The following MBNL1 variants were observed in gnomAD, a reference collection of about 807,000 sequenced individuals.
MBNL1 encodes muscleblind-like protein 1.
A neutral mutation model predicts 42.2 loss-of-function variants in MBNL1; 8 were observed. The ratio of observed to expected loss-of-function variants is 0.19; its 90% CI spans 0.11 to 0.34. The LOEUF (loss-of-function observed/expected upper bound fraction) is 0.34. Among genes scored for constraint, MBNL1 ranks in the 10% least tolerant of loss-of-function variants. The pLI is 1.00. For missense variants in MBNL1, 309 were observed against 495.3 expected (o/e 0.62, Z 3.57); for synonymous variants, 169 against 173.9 (o/e 0.97, Z 0.22).
intron 2 of MBNL1, among the ~76,000 whole-genome samples, chr3:152,304,433 A>G (rs1355356781): frequency 1.3e-5 from 2 of 152,220 alleles, no homozygotes; most frequent in East Asian, 3.8e-4. Flanking sequence ...CAAGTTTTAG[A>G]CTAAATATGC....
chr3:152,399,515 A>T (rs11926636), intron 2 of MBNL1, among the ~76,000 whole-genome samples: 51,477 of 151,426 alleles, frequency 0.34, 9,003 homozygotes, highest in Middle Eastern at 0.41. Flanking sequence ...TATTTAATTA[A>T]TTATTTTTTT....
At chr3:152,336,050 AC>A (rs2089857830) in intron 2 of MBNL1, among the ~76,000 whole-genome samples, 1 of 152,208 alleles carries the variant, frequency 6.6e-6, no homozygotes, top group Non-Finnish European at 1.5e-5. Context: ...TGGAAATATA[AC>A]TGTGAGCACA....
chr3:152,406,427 CT>C (rs1447869744), intron 2 of MBNL1, among the ~76,000 whole-genome samples: 1 of 152,144 alleles, frequency 6.6e-6, no homozygotes, highest in Non-Finnish European at 1.5e-5. Context: ...GTATGTGTAT[CT>C]GATTTCTCAC....
At chr3:152,268,675 T>C (rs1218968020), upstream of MBNL1, 2 of 437,362 alleles carry the variant, frequency 4.6e-6, no homozygotes, top group Non-Finnish European at 9.2e-6. Flanking sequence ...CCTCCTGCTC[T>C]CGGCGCCGCT....
intron 6 of MBNL1, among the ~76,000 whole-genome samples, chr3:152,453,151 T>C (rs1727013135): frequency 6.6e-6 from 1 of 152,096 alleles, no homozygotes; most frequent in Non-Finnish European, 1.5e-5. Context: ...TATACACTAT[T>C]TTTAGAAAAT....
At chr3:152,336,098 C>A (rs1194149766) in intron 2 of MBNL1, among the ~76,000 whole-genome samples, 1 of 152,144 alleles carries the variant, frequency 6.6e-6, no homozygotes, top group Non-Finnish European at 1.5e-5. Flanking sequence ...TGCTTAACAA[C>A]AGTTATGAAA....
chr3:152,329,311 A>G (rs1411991758), intron 2 of MBNL1, among the ~76,000 whole-genome samples: 3 of 152,158 alleles, frequency 2.0e-5, no homozygotes, highest in African/African-American at 7.2e-5. Context: ...AAAAAGACTT[A>G]TATTTACTCC....
At chr3:152,349,679 A>G (rs550548047) in intron 2 of MBNL1, among the ~76,000 whole-genome samples, 2 of 152,224 alleles carry the variant, frequency 1.3e-5, no homozygotes, top group African/African-American at 4.8e-5. Context: ...ATAAAATTAC[A>G]TAGCCCACTC....
At chr3:152,386,220 C>T (rs576226541) in intron 2 of MBNL1, among the ~76,000 whole-genome samples, 1 of 151,714 alleles carries the variant, frequency 6.6e-6, no homozygotes, top group Non-Finnish European at 1.5e-5. Flanking sequence ...TGAAAAAATT[C>T]AAGAAAATAG....
At chr3:152,436,917 G>C (rs567272510) in intron 4 of MBNL1, among the ~76,000 whole-genome samples, 1 of 152,196 alleles carries the variant, frequency 6.6e-6, no homozygotes, top group African/African-American at 2.4e-5. Flanking sequence ...TCTTATTCTT[G>C]TTAACAGGAT....
Position 152,463,278 on chromosome 3 carries a change from TA to T in MBNL1, c.*916del, listed in dbSNP as rs1203979804. The T allele has an allele frequency of 6.6e-6, 1 of 151,538 alleles. No homozygotes were observed. Among genetic ancestry groups the T allele is most frequent in the Non-Finnish European group, 1.5e-5 (1 of 67,794 alleles). The allele number at this position is 151,538 out of a possible 1,614,324, so 9.4% of individuals were successfully genotyped here. On this transcript the variant is annotated 3_prime_UTR_variant, in exon 10 of 10. Transcript: ENST00000324210. ...GAGATATATATATAATAGATATATATAAAATTATTTTAATGCATTGTAGTGT... is the reference window on the plus strand; with the variant it reads ...GAGATATATATATAATAGATATATATAAATTATTTTAATGCATTGTAGTGT...
In MBNL1 at chr3:152,463,409, G is replaced by A. The variant is rs1434456619; in HGVS notation, c.*1043G>A. 1 of 152,310 alleles carries A rather than the reference G, an allele frequency of 6.6e-6. No individual in the cohort carries two copies. The highest frequency in any genetic ancestry group is 1.5e-5 in the Non-Finnish European group (1 of 67,906). 9.4% of individuals were successfully genotyped at this position (152,310 alleles called of 1,614,324 possible). On this transcript the variant is annotated 3_prime_UTR_variant, in exon 10 of 10. Transcript: ENST00000324210. The stretch of plus-strand genomic sequence containing the variant: ...GGAAATTATTTTGCTTCTATTTATA[G>A]CCTCTGTCAAAAGTCAAAAGACTAT...
At chr3:152,460,249 T>C (rs1742792852) in intron 9 of MBNL1, among the ~76,000 whole-genome samples, 1 of 146,488 alleles carries the variant, frequency 6.8e-6, no homozygotes, top group Admixed American at 6.8e-5. Context: ...GCAAGACCTG[T>C]CTCAAAAAAA....
intron 1 of MBNL1, among the ~76,000 whole-genome samples, chr3:152,274,007 A>G (rs573671496): frequency 7.6e-4 from 116 of 152,318 alleles, no homozygotes; most frequent in Admixed American, 3.0e-3. Context: ...TAAATATGAA[A>G]TCTAAATACC....
chr3:152,257,980 A>G (rs2035682944), intron 2 of MBNL1, among the ~76,000 whole-genome samples: 1 of 152,146 alleles, frequency 6.6e-6, no homozygotes, highest in African/African-American at 2.4e-5. Context: ...TGACCAATCA[A>G]TAGTTATGTT....
chr3:152,424,503 GTAATT>G (rs1267324780), intron 3 of MBNL1, among the ~76,000 whole-genome samples: 1 of 149,818 alleles, frequency 6.7e-6, no homozygotes, highest in African/African-American at 2.5e-5. Flanking sequence ...ACTGTCCAAA[GTAATT>G]TATAGATTCA....
intron 6 of MBNL1, among the ~76,000 whole-genome samples, chr3:152,453,012 A>G (rs1206750820): frequency 6.6e-6 from 1 of 151,868 alleles, no homozygotes; most frequent in East Asian, 1.9e-4. Flanking sequence ...TCATTAATAC[A>G]TATAATCATT....
At chr3:152,260,185 G>A (rs994360403) in intron 2 of MBNL1, among the ~76,000 whole-genome samples, 1 of 152,072 alleles carries the variant, frequency 6.6e-6, no homozygotes, top group Non-Finnish European at 1.5e-5. Flanking sequence ...GGTGACCTAT[G>A]GCCAGAAAAG....
At chr3:152,327,393 G>A (rs1416858284) in intron 2 of MBNL1, among the ~76,000 whole-genome samples, 1 of 151,814 alleles carries the variant, frequency 6.6e-6, no homozygotes, top group African/African-American at 2.4e-5. Context: ...CTGTCACTCA[G>A]GCTGAGTGCA....
Sources: allele counts gnomAD v4.1 joint callset (sites outside exome capture counted in the v4.1 genomes callset), GRCh38; gene constraint gnomAD v4.1.1; transcripts MANE v1.5; gene names NCBI Gene and HGNC (gene_info 2026-07-23, HGNC 2026-07-21).